CFAP20DC: variants seen among roughly 807,000 people sequenced by gnomAD.
CFAP20DC encodes CFAP20 domain containing, also known as protein CFAP20DC.
A neutral mutation model predicts 101.7 loss-of-function variants in CFAP20DC; 84 were observed. That is an observed-to-expected ratio of 0.83 (90% CI 0.69 to 0.99). The LOEUF is 0.99. Ranked by LOEUF, CFAP20DC falls within the 50% of genes least tolerant of loss-of-function variation. The pLI is 0.00. For synonymous variants in CFAP20DC, 359 were observed against 351.2 expected, an observed-to-expected ratio of 1.02 and a Z score of -0.25; for missense variants, 1,007 against 970.3, an observed-to-expected ratio of 1.04 and a Z score of -0.50.
Position 59,049,802 on chromosome 3 carries a change from G to A in CFAP20DC, c.-171C>T, listed in dbSNP as rs1247155032. ...GCTCTTCTCAGCCCCTCCGGCCCCTGGTCAGCTCCATCTCCCGCCCTCCAT... is the reference window on the plus strand; with the variant it reads ...GCTCTTCTCAGCCCCTCCGGCCCCTAGTCAGCTCCATCTCCCGCCCTCCAT... On this transcript the variant is annotated 5_prime_UTR_variant, in exon 1 of 17. Coordinates refer to ENST00000482387, the MANE Select transcript of CFAP20DC (RefSeq NM_001394063.1). 3 of 730,770 alleles carry A rather than the reference G, an allele frequency of 4.1e-6. No homozygotes were observed. In the South Asian group the frequency reaches 5.6e-5, roughly 14 times the overall value. The allele number at this position is 730,770 out of a possible 1,614,324, so 45.3% of individuals were successfully genotyped here.
At chr3:59,010,037 T>C (rs1171541082) in intron 4 of CFAP20DC, among the ~76,000 whole-genome samples, 1 of 152,010 alleles carries the variant, frequency 6.6e-6, no homozygotes, top group Non-Finnish European at 1.5e-5. Flanking sequence ...AACCCAGTAC[T>C]ACAAGAAATG....
chr3:59,031,127 T>A (rs1215624603), intron 4 of CFAP20DC, among the ~76,000 whole-genome samples: 3 of 152,300 alleles, frequency 2.0e-5, no homozygotes, highest in African/African-American at 7.2e-5. Flanking sequence ...TGGCCAGCTT[T>A]AAGTTTTTTT....
rs936691678 is a variant in CFAP20DC, at chr3:58,899,343, G to A, written c.550+14365C>T. Among the ~76,000 whole-genome samples the A allele has an allele frequency of 7.2e-5, 11 of 152,174 alleles. No individual in the cohort carries two copies. The highest frequency in any genetic ancestry group is 2.4e-4 in the African/African-American group (10 of 41,456). ...TGGCCACCCCTCCCACTGGGGACTC[G>A]GTCCTTCTCAGGCAGACTCAAGCCT... On this transcript the variant is annotated intron_variant, in intron 6 of 16. Coordinates refer to ENST00000482387, the MANE Select transcript of CFAP20DC (RefSeq NM_001394063.1). The surrounding 1 kb of genome is among the most constrained non-coding windows in gnomAD (Gnocchi z 5.0).
chr3:58,833,093 A>G (rs2076506473), intron 13 of CFAP20DC, among the ~76,000 whole-genome samples: 1 of 152,222 alleles, frequency 6.6e-6, no homozygotes, highest in Non-Finnish European at 1.5e-5. Flanking sequence ...TTAAAAATAC[A>G]TAATTTTGAA....
intron 3 of CFAP20DC, among the ~76,000 whole-genome samples, chr3:58,731,762 T>C (rs1005954753): frequency 6.6e-6 from 1 of 152,200 alleles, no homozygotes; most frequent in Admixed American, 6.5e-5. Context: ...ACAAAATATT[T>C]TTCAAGCTGC....
At chr3:59,030,702 A>C (rs1053909796) in intron 4 of CFAP20DC, among the ~76,000 whole-genome samples, 8 of 152,244 alleles carry the variant, frequency 5.3e-5, no homozygotes, top group African/African-American at 1.7e-4. Flanking sequence ...CAGTAATAGG[A>C]TAAGAAAGAA....
At chr3:58,746,840 AT>A (rs2068238662) in intron 16 of CFAP20DC, among the ~76,000 whole-genome samples, 1 of 152,134 alleles carries the variant, frequency 6.6e-6, no homozygotes, top group Non-Finnish European at 1.5e-5. Flanking sequence ...TTTTGTTTTC[AT>A]TGTAACTTAA....
At chr3:58,889,551 T>C (rs2081975112) in intron 6 of CFAP20DC, among the ~76,000 whole-genome samples, 1 of 139,908 alleles carries the variant, frequency 7.1e-6, no homozygotes, top group Non-Finnish European at 1.5e-5. Context: ...TCTTTTTTTC[T>C]TTTTTTAAAT....
intron 12 of CFAP20DC, among the ~76,000 whole-genome samples, chr3:58,860,774 G>A (rs765263296): frequency 2.0e-5 from 3 of 152,074 alleles, no homozygotes; most frequent in Non-Finnish European, 2.9e-5. Flanking sequence ...GCATGCTTTC[G>A]TTTCTTTCAG....
Position 58,863,608 on chromosome 3 carries a change from T to C in CFAP20DC, c.1543A>G (p.Arg515Gly). Residue 515 changes from arginine (R) to glycine (G), a missense_variant, in exon 12 of 17, where the codon AGA becomes GGA. By Grantham distance (125) the Arg-to-Gly change is moderately radical. Coordinates refer to ENST00000482387, the MANE Select transcript of CFAP20DC (RefSeq NM_001394063.1). The surrounding 1 kb of genome is among the most constrained non-coding windows in gnomAD (Gnocchi z 5.9). ...DLKEDNSVTSRDTQSEDDFYG... is the reference protein window; with the variant it reads ...DLKEDNSVTSGDTQSEDDFYG... ...AAATCATCCTCTGATTGGGTGTCTC[T>C]GCTTGTCACACTGTTATCCTCTTTT... 1 of 1,614,210 alleles carries C rather than the reference T, an allele frequency of 6.2e-7. No homozygotes were observed. The highest frequency in any genetic ancestry group is 8.5e-7 in the Non-Finnish European group (1 of 1,180,044).
At chr3:59,028,777 A>G (rs2093936991) in intron 4 of CFAP20DC, among the ~76,000 whole-genome samples, 1 of 152,200 alleles carries the variant, frequency 6.6e-6, no homozygotes, top group African/African-American at 2.4e-5. Flanking sequence ...TTGAGCTATA[A>G]CAAAGTGCTT....
chr3:58,806,907 G>C (rs2074116713), intron 14 of CFAP20DC, among the ~76,000 whole-genome samples: 1 of 152,166 alleles, frequency 6.6e-6, no homozygotes, highest in South Asian at 2.1e-4. Flanking sequence ...CGGCGCACCA[G>C]GAGATTATAT....
chr3:58,867,858 C>T lies in CFAP20DC; in HGVS notation c.1094G>A (p.Arg365Gln), dbSNP rs776930506. Residue 365 changes from arginine to glutamine, a missense_variant, in exon 10 of 17, where the codon CGG becomes CAG. Transcript: ENST00000482387. ...CCTTTCTCTGCTGGTACTTTTTAAC[C>T]GTAATCTTCTTCTGTTATTATTCTT... ...ADKNNNRRRLRLKSTSRERTE... is the reference protein window; with the variant it reads ...ADKNNNRRRLQLKSTSRERTE... 24 of 1,613,562 alleles carry T rather than the reference C, an allele frequency of 1.5e-5. No homozygotes were observed. The highest frequency in any genetic ancestry group is 5.0e-5 in the Admixed American group (3 of 60,010).
chr3:58,816,639 A>G (rs1226898751), intron 14 of CFAP20DC, among the ~76,000 whole-genome samples: 1 of 152,114 alleles, frequency 6.6e-6, no homozygotes, highest in Non-Finnish European at 1.5e-5. Context: ...CGAGGGTCCT[A>G]CGCCCACGGA....
In CFAP20DC at chr3:58,867,859, G is replaced by A. The variant is rs762594054; in HGVS notation, c.1093C>T (p.Arg365Trp). 15 of 1,613,416 alleles carry A rather than the reference G, an allele frequency of 9.3e-6. No homozygotes were observed. Among genetic ancestry groups the A allele is most frequent in the South Asian group, 4.4e-5 (4 of 91,030 alleles). Residue 365 changes from arginine (R) to tryptophan (W), a missense_variant, in exon 10 of 17, where the codon CGG becomes TGG. Arg to Trp is a moderately radical substitution (Grantham distance 101). Transcript: ENST00000482387. ...CTTTCTCTGCTGGTACTTTTTAACC[G>A]TAATCTTCTTCTGTTATTATTCTTA... ...ADKNNNRRRLRLKSTSRERTE... is the reference protein window; with the variant it reads ...ADKNNNRRRLWLKSTSRERTE...
At position 58,861,852 on chromosome 3, in the gene CFAP20DC, T is replaced by C. The variant is rs1383209274; in HGVS notation, c.1593+1706A>G. The C allele has an allele frequency of 1.0e-6, 1 of 985,344 alleles. No individual in the cohort carries two copies. Among genetic ancestry groups the C allele is most frequent in the Non-Finnish European group, 1.2e-6 (1 of 829,944 alleles). The allele number at this position is 985,344 out of a possible 1,614,324, so 61.0% of individuals were successfully genotyped here. On this transcript the variant is annotated intron_variant, in intron 12 of 16. Coordinates refer to ENST00000482387, the MANE Select transcript of CFAP20DC (RefSeq NM_001394063.1). This position sits in a 1 kb window ranked among gnomAD's most constrained non-coding sequence, Gnocchi z 4.0. ...AGGGGTGACCAGATAGCCCTGCCAG[T>C]GAAAGCTTGGGTAATGCATGATAAA...
At chr3:58,769,376 G>C (rs2070624972) in intron 15 of CFAP20DC, among the ~76,000 whole-genome samples, 1 of 152,198 alleles carries the variant, frequency 6.6e-6, no homozygotes, top group Non-Finnish European at 1.5e-5. Flanking sequence ...GGTTACTACA[G>C]ATCAGTCATC....
At chr3:58,968,427 A>C (rs1022473384) in intron 4 of CFAP20DC, among the ~76,000 whole-genome samples, 1 of 152,024 alleles carries the variant, frequency 6.6e-6, no homozygotes, top group East Asian at 1.9e-4. Context: ...ATGGTATCTC[A>C]TTGTGGTTTT....
At chr3:58,785,328 A>G (rs975560195) in intron 15 of CFAP20DC, among the ~76,000 whole-genome samples, 17 of 152,102 alleles carry the variant, frequency 1.1e-4, no homozygotes, top group African/African-American at 3.4e-4. Flanking sequence ...TAATGGGTAT[A>G]AACATACAAT....
Sources: gnomAD v4.1 joint callset for allele counts (sites outside exome capture counted in the v4.1 genomes callset) on GRCh38, gnomAD v4.1.1 for gene constraint, Gnocchi (gnomAD v3.1) non-coding constraint, MANE v1.5 for transcripts, NCBI Gene and HGNC (gene_info 2026-07-23, HGNC 2026-07-21) for gene names.